The following USP3 variants were observed in gnomAD, a reference collection of about 807,000 sequenced individuals.
USP3 encodes the protein ubiquitin specific peptidase 3.
USP3 carries 20 observed loss-of-function variants against 72.3 expected under a neutral mutation model. That is an observed-to-expected ratio of 0.28 (90% confidence interval 0.19 to 0.40). The LOEUF (loss-of-function observed/expected upper bound fraction) is 0.40, where lower values mean the gene tolerates loss of function less well. Among genes scored for constraint, USP3 ranks in the 10% least tolerant of loss-of-function variants. The pLI, the probability that USP3 is intolerant of heterozygous loss-of-function variation, is 1.00. For missense variants in USP3, 479 were observed against 633.9 expected (o/e 0.76, Z 2.62); for synonymous variants, 222 against 225.3 (o/e 0.99, Z 0.13).
chr15:63,510,223 T>A (rs1228226392), intron 1 of USP3, among the ~76,000 whole-genome samples: 1 of 152,172 alleles, frequency 6.6e-6, no homozygotes, highest in African/African-American at 2.4e-5. Flanking sequence ...CAGTGAGTAA[T>A]TTAGTGTGTA....
chr15:63,562,832 G>A (rs2066629401), intron 7 of USP3, 63 bp from the exon 8 acceptor site: 4 of 1,062,612 alleles, frequency 3.8e-6, no homozygotes, highest in African/African-American at 3.2e-5. Context: ...TAGATGGGTG[G>A]ACGCTGTGTT....
chr15:63,534,037 T>C (rs888030329), intron 2 of USP3: 1 of 234,628 alleles, frequency 4.3e-6, no homozygotes, highest in African/African-American at 2.3e-5. Flanking sequence ...ACTCAAAAAT[T>C]AGAGATTAAT....
Position 63,570,572 on chromosome 15 carries a change from T to C in USP3, c.901T>C (p.Cys301Arg). Residue 301 changes from cysteine (C) to arginine (R), a missense_variant, in exon 9 of 15, where the codon TGT (cysteine) becomes CGT (arginine). Transcript: ENST00000380324. This position sits in a 1 kb window ranked among gnomAD's most constrained non-coding sequence, Gnocchi z 4.4. ...ENSTLSASNK[C>R]CINGASTVVT... ...TTCTACTCTGTCTGCAAGTAACAAGTGTTGCATGTAAGATTTAGTTGCCTT... is the reference window on the plus strand; with the variant it reads ...TTCTACTCTGTCTGCAAGTAACAAGCGTTGCATGTAAGATTTAGTTGCCTT... 1 of 1,610,284 alleles carries C rather than the reference T, an allele frequency of 6.2e-7. No individual in the cohort carries two copies.
intron 3 of USP3, among the ~76,000 whole-genome samples, chr15:63,539,083 G>A (rs544902020): frequency 4.0e-5 from 6 of 151,026 alleles, no homozygotes; most frequent in East Asian, 1.9e-4. Context: ...CAGTTAAAGC[G>A]TTTGCATTCC....
At chr15:63,533,801 A>G (rs1416522386) in intron 2 of USP3, 1 of 1,209,908 alleles carries the variant, frequency 8.3e-7, no homozygotes. Context: ...TGAAATCTCT[A>G]GGATTTGGGG....
chr15:63,517,960 G>C (rs911502608), intron 1 of USP3, among the ~76,000 whole-genome samples: 3 of 152,046 alleles, frequency 2.0e-5, no homozygotes, highest in African/African-American at 7.2e-5. Context: ...TATCTTTGTG[G>C]GTTTGTATCT....
At chr15:63,521,787 T>C (rs2065923994) in intron 1 of USP3, among the ~76,000 whole-genome samples, 1 of 152,196 alleles carries the variant, frequency 6.6e-6, no homozygotes, top group Non-Finnish European at 1.5e-5. Flanking sequence ...CCTGGAGTTA[T>C]AGAATGGCAG....
At position 63,561,727 on chromosome 15, in the gene USP3, T is replaced by G. The variant is rs181853534; in HGVS notation, c.648-1168T>G. 2.6e-5 allele frequency among the ~76,000 whole-genome samples: 4 copies of G among 152,302 alleles called. No homozygotes were observed. The East Asian group carries it at 7.7e-4, about 29-fold the overall frequency. On this transcript the variant is annotated intron_variant, in intron 7 of 14. Transcript: ENST00000380324. ...AGCTTCGGAAGTGGGAGGCAAACTC[T>G]TAAAAGTAGGGATTCTCCAACATAG...
chr15:63,547,847 A>G (rs1340324849), intron 3 of USP3, among the ~76,000 whole-genome samples: 2 of 93,618 alleles, frequency 2.1e-5, no homozygotes, highest in Non-Finnish European at 4.4e-5. Context: ...GGAGGGAGGG[A>G]GAGAGAGAGA....
intron 3 of USP3, among the ~76,000 whole-genome samples, chr15:63,541,409 C>T (rs1348036716): frequency 6.6e-6 from 1 of 152,024 alleles, no homozygotes; most frequent in Non-Finnish European, 1.5e-5. Flanking sequence ...TGTTGATGTT[C>T]TTATAAACGA....
intron 1 of USP3, among the ~76,000 whole-genome samples, chr15:63,511,573 G>A (rs908567380): frequency 2.4e-4 from 36 of 152,178 alleles, no homozygotes; most frequent in Admixed American, 1.5e-3. Flanking sequence ...ATTTTTATAG[G>A]CCGAAATTCA....
chr15:63,515,177 G>A (rs2065835398), intron 1 of USP3, among the ~76,000 whole-genome samples: 1 of 152,262 alleles, frequency 6.6e-6, no homozygotes, highest in African/African-American at 2.4e-5. Context: ...GAGGAGCCCA[G>A]TTCCAGTATT....
chr15:63,592,980 C>A lies in USP3; in HGVS notation c.*2154C>A, dbSNP rs1412463979. ...ATCATCCAGTACAATGGCCCCTAGC[C>A]ACATGTGACTGAAATTTAAATTAGA... On this transcript the variant is annotated 3_prime_UTR_variant, in exon 15 of 15. Coordinates refer to ENST00000380324, the MANE Select transcript of USP3 (RefSeq NM_006537.4). 1 of 152,146 alleles carries A rather than the reference C, an allele frequency of 6.6e-6. No individual in the cohort carries two copies. Among genetic ancestry groups the A allele is most frequent in the East Asian group, 1.9e-4 (1 of 5,206 alleles). 9.4% of individuals were successfully genotyped at this position (152,146 alleles called of 1,614,324 possible). A position where few individuals can be genotyped will look rare whatever the true frequency, so the allele number is the denominator to read the frequency against.
At chr15:63,550,638 A>G (rs1218269082) in intron 3 of USP3, among the ~76,000 whole-genome samples, 2 of 152,254 alleles carry the variant, frequency 1.3e-5, no homozygotes, top group African/African-American at 4.8e-5. Flanking sequence ...AAATTCATCT[A>G]AAGCTAAAAA....
rs970959105 is a variant in USP3 at position 63,553,934 on chromosome 15, A to T, written c.368+136A>T. 76 of 664,060 alleles carry T rather than the reference A, an allele frequency of 1.1e-4. No homozygotes were observed. Among genetic ancestry groups the T allele is most frequent in the Non-Finnish European group, 1.7e-4 (72 of 423,366 alleles). 41.1% of individuals were successfully genotyped at this position (664,060 alleles called of 1,614,324 possible). Reference sequence around the variant, plus strand: ...TATGATTGAAATGTTAATAAAATAAACCTTGGCTTTGGATAGCTAAAACTT... The same window carrying T: ...TATGATTGAAATGTTAATAAAATAATCCTTGGCTTTGGATAGCTAAAACTT... On this transcript the variant is annotated intron_variant, in intron 4 of 14. Transcript: ENST00000380324. The surrounding 1 kb of genome is among the most constrained non-coding windows in gnomAD (Gnocchi z 4.2).
chr15:63,565,558 T>C (rs2066676227), intron 8 of USP3, among the ~76,000 whole-genome samples: 1 of 152,262 alleles, frequency 6.6e-6, no homozygotes, highest in Non-Finnish European at 1.5e-5. Flanking sequence ...CCATTCATTC[T>C]GTTTTCTGGA....
intron 3 of USP3, among the ~76,000 whole-genome samples, chr15:63,552,476 G>T (rs550474153): frequency 6.6e-6 from 1 of 152,220 alleles, no homozygotes; most frequent in South Asian, 2.1e-4. Flanking sequence ...AATGGTCCAG[G>T]ATATAAAAGA....
intron 11 of USP3, among the ~76,000 whole-genome samples, chr15:63,587,063 C>T (rs555127718): frequency 2.6e-5 from 4 of 152,252 alleles, no homozygotes; most frequent in Non-Finnish European, 5.9e-5. Flanking sequence ...GAGACAAGAG[C>T]GCTTTTCTGT....
intron 3 of USP3, among the ~76,000 whole-genome samples, chr15:63,548,789 G>A (rs2066394273): frequency 6.6e-6 from 1 of 151,934 alleles, no homozygotes; most frequent in Non-Finnish European, 1.5e-5. Context: ...TGTCTCCCGG[G>A]TTCAGGCAAT....
Sources: gnomAD v4.1 joint callset for allele counts (sites outside exome capture counted in the v4.1 genomes callset) on GRCh38, gnomAD v4.1.1 for gene constraint, Gnocchi (gnomAD v3.1) non-coding constraint, MANE v1.5 for transcripts, NCBI Gene and HGNC (gene_info 2026-07-23, HGNC 2026-07-21) for gene names.